The following PBRM1 variants were observed in gnomAD, a reference collection of about 807,000 sequenced individuals.
The protein encoded by PBRM1 is polybromo 1.
PBRM1 carries 27 observed loss-of-function variants against 194.5 expected under a neutral mutation model. The ratio of observed to expected loss-of-function variants is 0.14; its 90% CI spans 0.10 to 0.19. The LOEUF is 0.19. Among genes scored for constraint, PBRM1 ranks in the 10% least tolerant of loss-of-function variants. The probability of loss-of-function intolerance (pLI) is 1.00; values close to 1 mark genes in which losing one functional copy is unlikely to be tolerated. For missense variants in PBRM1, 1,466 were observed against 2,077.2 expected, an observed-to-expected ratio of 0.71 and a Z score of 5.72; for synonymous variants, 655 against 693.2, an observed-to-expected ratio of 0.94 and a Z score of 0.87.
In PBRM1 at chr3:52,550,832, G is replaced by T. The variant is rs371828916; in HGVS notation, c.4610-15C>A. The T allele has an allele frequency of 1.9e-6, 3 of 1,559,744 alleles. No individual in the cohort carries two copies. In the East Asian group the frequency reaches 6.7e-5, roughly 35 times the overall value. On this transcript the variant is annotated splice_polypyrimidine_tract_variant and intron_variant, in intron 27 of 29. Transcript: ENST00000296302. Reference sequence around the variant, plus strand: ...GTTCATCACACCTATAATTCAGAATGCAATGGCACAGTTAGAGGCTCTGGG... The same window carrying T: ...GTTCATCACACCTATAATTCAGAATTCAATGGCACAGTTAGAGGCTCTGGG...
chr3:52,589,104 G>A (rs748555577), exon 18 of PBRM1: 130 of 1,613,518 alleles, frequency 8.1e-5, no homozygotes, highest in Non-Finnish European at 1.0e-4. Context: ...CAATACAGAC[G>A]ATATGTGGTT....
chr3:52,621,193 C>CT (rs1341498613), intron 13 of PBRM1, among the ~76,000 whole-genome samples: 3 of 151,960 alleles, frequency 2.0e-5, no homozygotes, highest in South Asian at 2.1e-4. Flanking sequence ...CTACTGTTTT[C>CT]TTTTTTTTGA....
At chr3:52,632,584 T>A (rs1046275480) in intron 11 of PBRM1, among the ~76,000 whole-genome samples, 2 of 151,926 alleles carry the variant, frequency 1.3e-5, no homozygotes, top group African/African-American at 4.8e-5. Context: ...AAAAGCAAAT[T>A]TGATATTGGG....
intron 10 of PBRM1, among the ~76,000 whole-genome samples, chr3:52,641,164 A>C (rs1401547214): frequency 1.3e-5 from 2 of 152,100 alleles, no homozygotes; most frequent in African/African-American, 4.8e-5. Context: ...TGTAACATTC[A>C]ATAATAAAAT....
At position 52,554,781 on chromosome 3, in the gene PBRM1, G is replaced by GC. The variant is rs1559827261; in HGVS notation, c.4551dup (p.Pro1518AlafsTer98). ...CCTGGCGGAAGATGGTGGGGTGGAG[G>GC]CCCCCCAGGGTGAAGTGGCTGCATG... On this transcript the variant is annotated frameshift_variant, in exon 27 of 30. Transcript: ENST00000296302. LOFTEE classifies it high-confidence loss of function. 1 of 1,583,966 alleles carries GC rather than the reference G, an allele frequency of 6.3e-7. No homozygotes were observed. The highest frequency in any genetic ancestry group is 1.9e-5 in the Admixed American group (1 of 52,452).
intron 5 of PBRM1, among the ~76,000 whole-genome samples, chr3:52,657,212 T>A (rs1450338568): frequency 6.6e-6 from 1 of 152,206 alleles, no homozygotes; most frequent in Non-Finnish European, 1.5e-5. Flanking sequence ...AAGTTCCAGA[T>A]AGTGGTGATG....
chr3:52,610,579 A>G (rs1372677901), intron 15 of PBRM1, among the ~76,000 whole-genome samples: 2 of 152,228 alleles, frequency 1.3e-5, no homozygotes, highest in Admixed American at 6.5e-5. Context: ...CCAGTCTGGT[A>G]TATCTTCAAA....
intron 9 of PBRM1, among the ~76,000 whole-genome samples, chr3:52,642,856 G>A (rs988606326): frequency 6.7e-5 from 10 of 149,982 alleles, no homozygotes; most frequent in African/African-American, 1.7e-4. Context: ...CCACGATGTC[G>A]GCTCACTGCA....
At chr3:52,630,895 G>GT (rs1248808295) in intron 11 of PBRM1, among the ~76,000 whole-genome samples, 1 of 152,086 alleles carries the variant, frequency 6.6e-6, no homozygotes, top group African/African-American at 2.4e-5. Flanking sequence ...CTAAGCTACT[G>GT]TAATAGACTA....
chr3:52,571,437 C>G (rs2087165808), intron 22 of PBRM1, among the ~76,000 whole-genome samples: 1 of 150,530 alleles, frequency 6.6e-6, no homozygotes, highest in South Asian at 2.1e-4. Flanking sequence ...GCCATCCTGG[C>G]CAACATGGTG....
chr3:52,554,931 C>T (rs1197647050), intron 26 of PBRM1, 52 bp from the exon 29 acceptor site: 2 of 1,538,278 alleles, frequency 1.3e-6, no homozygotes, highest in South Asian at 2.3e-5. Context: ...GCAACATGAG[C>T]TAAGTAATAA....
chr3:52,632,571 G>T (rs2095654692), intron 11 of PBRM1, among the ~76,000 whole-genome samples: 1 of 151,104 alleles, frequency 6.6e-6, no homozygotes, highest in East Asian at 1.9e-4. Flanking sequence ...TTAACAAAAA[G>T]AAAAAAGCAA....
At chr3:52,633,034 T>C (rs1348805027) in intron 11 of PBRM1, among the ~76,000 whole-genome samples, 3 of 152,124 alleles carry the variant, frequency 2.0e-5, no homozygotes, top group African/African-American at 4.8e-5. Flanking sequence ...AGTTTAGTAG[T>C]ATAAAATACT....
In PBRM1 at chr3:52,569,506, G is replaced by A. The variant is rs140655062; in HGVS notation, c.3692-5273C>T. ...ATTACAGGCATGAGCCACCGCGCCC[G>A]GCCTTCAATATGATTTTTAAAATGA... On this transcript the variant is annotated intron_variant, in intron 22 of 29. Coordinates refer to ENST00000296302, the Ensembl canonical transcript of PBRM1. Among the ~76,000 whole-genome samples, 615 of 152,180 alleles carry A rather than the reference G, an allele frequency of 4.0e-3. 3 individuals are homozygous for A. Among genetic ancestry groups the A allele is most frequent in the South Asian group, 0.023 (110 of 4,828 alleles).
Position 52,679,512 on chromosome 3 carries a change from A to AAAGGG in PBRM1, c.138+57_138+61dup, listed in dbSNP as rs2097168403. The AAAGGG allele has an allele frequency of 2.7e-6, 4 of 1,464,254 alleles. No homozygotes were observed. In the African/African-American group the frequency reaches 4.2e-5, roughly 16 times the overall value. The allele number at this position is 1,464,254 out of a possible 1,614,324, so 90.7% of individuals were successfully genotyped here. On this transcript the variant is annotated intron_variant, in intron 1 of 29. Coordinates refer to ENST00000296302, the Ensembl canonical transcript of PBRM1. ...CTTGCATCGTAACAATTTTACCATT[A>AAAGGG]AAGGGAAGATAGGGGAATTGTGGGA...
At chr3:52,637,551 T>C (rs1471574905) in intron 10 of PBRM1, among the ~76,000 whole-genome samples, 1 of 151,878 alleles carries the variant, frequency 6.6e-6, no homozygotes, top group African/African-American at 2.4e-5. Flanking sequence ...AAAGATTGCT[T>C]GAGCCTCGGA....
intron 26 of PBRM1, among the ~76,000 whole-genome samples, chr3:52,556,930 T>G (rs896824484): frequency 7.3e-5 from 9 of 123,038 alleles, no homozygotes; most frequent in African/African-American, 3.6e-4. Flanking sequence ...CAGCTGCTGT[T>G]TTTTTTTTTT....
chr3:52,685,530 T>C (rs2097298663), intron 1 of PBRM1: 1 of 151,780 alleles, frequency 6.6e-6, no homozygotes, highest in African/African-American at 2.4e-5. Flanking sequence ...TTCCGACCCG[T>C]AGTGCGCCTT....
chr3:52,674,680 A>C (rs2097055987), intron 2 of PBRM1, among the ~76,000 whole-genome samples: 1 of 147,716 alleles, frequency 6.8e-6, no homozygotes, highest in African/African-American at 2.5e-5. Flanking sequence ...ACACACACAC[A>C]CATATATCTC....
Sources: allele counts gnomAD v4.1 joint callset (sites outside exome capture counted in the v4.1 genomes callset), GRCh38; gene constraint gnomAD v4.1.1; transcripts MANE v1.5; gene names NCBI Gene and HGNC (gene_info 2026-07-23, HGNC 2026-07-21).